DTD1: variants seen among roughly 807,000 people sequenced by gnomAD.
The protein encoded by DTD1 is D-tyrosyl-tRNA deacylase 1 homolog.
DTD1 carries 13 observed loss-of-function variants against 25.6 expected under a neutral mutation model. The ratio of observed to expected loss-of-function variants is 0.51; its 90% CI spans 0.33 to 0.81. The LOEUF is 0.81. Among genes scored for constraint, DTD1 ranks in the 30% least tolerant of loss-of-function variants. DTD1 has a pLI of 0.02. For missense variants in DTD1, 193 were observed against 266.4 expected (o/e 0.72, Z 1.92); for synonymous variants, 110 against 103.6 (o/e 1.06, Z -0.37).
At chr20:18,636,175 C>T (rs1358399556) in intron 4 of DTD1, among the ~76,000 whole-genome samples, 1 of 152,104 alleles carries the variant, frequency 6.6e-6, no homozygotes, top group Admixed American at 6.5e-5. Context: ...AACTCCTTAC[C>T]TTGCTGACTT....
chr20:18,651,474 G>T (rs1284645639), intron 4 of DTD1, among the ~76,000 whole-genome samples: 2 of 152,214 alleles, frequency 1.3e-5, no homozygotes, highest in Non-Finnish European at 2.9e-5. Flanking sequence ...TTTAAAAATT[G>T]TTGGTACATA....
At chr20:18,739,040 C>T (rs549168869) in intron 4 of DTD1, among the ~76,000 whole-genome samples, 1 of 151,802 alleles carries the variant, frequency 6.6e-6, no homozygotes, top group Non-Finnish European at 1.5e-5. Context: ...AGTGTGGCCT[C>T]AGGCCTTAGG....
chr20:18,606,738 T>G (rs1438583455), intron 3 of DTD1, among the ~76,000 whole-genome samples: 2 of 115,116 alleles, frequency 1.7e-5, no homozygotes, highest in Non-Finnish European at 3.5e-5. Flanking sequence ...TGAGATCACA[T>G]GGACACAGGA....
chr20:18,669,328 CCTT>C (rs1432751603), intron 4 of DTD1, among the ~76,000 whole-genome samples: 5 of 152,186 alleles, frequency 3.3e-5, no homozygotes, highest in African/African-American at 1.2e-4. Context: ...GATGCCCTCT[CCTT>C]GAGAGTCCTG....
At chr20:18,642,125 G>C (rs991628738) in intron 4 of DTD1, among the ~76,000 whole-genome samples, 1 of 152,154 alleles carries the variant, frequency 6.6e-6, no homozygotes, top group Non-Finnish European at 1.5e-5. Flanking sequence ...TCACTTGAGA[G>C]TAAGTTGTTG....
chr20:18,593,228 T>C (rs1234276038), intron 1 of DTD1, among the ~76,000 whole-genome samples: 4 of 152,236 alleles, frequency 2.6e-5, no homozygotes. Flanking sequence ...TTTTTATGTA[T>C]TATGTATTTG....
chr20:18,655,776 T>TA (rs2060889422), intron 4 of DTD1, among the ~76,000 whole-genome samples: 1 of 152,208 alleles, frequency 6.6e-6, no homozygotes, highest in African/African-American at 2.4e-5. Flanking sequence ...TTTTTCTTTT[T>TA]ACTTTTTTTT....
At chr20:18,631,613 T>C in intron 4 of DTD1, 1 of 985,458 alleles carries the variant, frequency 1.0e-6, no homozygotes, top group Non-Finnish European at 1.2e-6. Context: ...TCACATTGCT[T>C]TATTTCATGC....
chr20:18,674,457 C>T (rs143581468), intron 4 of DTD1: 1 of 152,300 alleles, frequency 6.6e-6, no homozygotes, highest in Non-Finnish European at 1.5e-5. Flanking sequence ...TCCAAATGAA[C>T]TTAAAGGTAC....
intron 4 of DTD1, among the ~76,000 whole-genome samples, chr20:18,705,190 C>G (rs935589678): frequency 2.6e-5 from 4 of 152,114 alleles, no homozygotes; most frequent in African/African-American, 4.8e-5. Context: ...AACTTGAAGA[C>G]TAGGAGTGCT....
intron 4 of DTD1, among the ~76,000 whole-genome samples, chr20:18,672,113 G>C (rs2060953143): frequency 6.6e-6 from 1 of 151,978 alleles, no homozygotes; most frequent in African/African-American, 2.4e-5. Flanking sequence ...GCATGCCTGT[G>C]GTCTCAGCTA....
chr20:18,661,177 G>C (rs2060908329), intron 4 of DTD1, among the ~76,000 whole-genome samples: 1 of 152,156 alleles, frequency 6.6e-6, no homozygotes, highest in South Asian at 2.1e-4. Context: ...GTTGGGTACA[G>C]TATTTCCTCC....
intron 4 of DTD1, among the ~76,000 whole-genome samples, chr20:18,701,413 A>G (rs2061104055): frequency 6.6e-6 from 1 of 152,240 alleles, no homozygotes; most frequent in South Asian, 2.1e-4. Context: ...CTAATGATTC[A>G]TTACGTCCTT....
Position 18,603,836 on chromosome 20 carries a change from T to C in DTD1, c.370+7595T>C, listed in dbSNP as rs1423154815. On this transcript the variant is annotated intron_variant, in intron 3 of 5. Transcript: ENST00000377452. The stretch of plus-strand genomic sequence containing the variant: ...AAGAGAAAGCAGGAAAGATCCAAAA[T>C]TGACACCCTAACATCACAATTAAAA... Among the ~76,000 whole-genome samples the C allele has an allele frequency of 4.8e-5, 3 of 63,016 alleles. No individual in the cohort carries two copies. In the East Asian group the frequency reaches 1.3e-3, roughly 26 times the overall value. 41.3% of individuals were successfully genotyped at this position (63,016 alleles called of 152,430 possible).
chr20:18,630,891 G>C (rs1192159757), intron 4 of DTD1: 1 of 184,282 alleles, frequency 5.4e-6, no homozygotes, highest in East Asian at 1.9e-4. Flanking sequence ...CATGTTGACA[G>C]GAATAGGAAA....
In DTD1 at chr20:18,652,752, C is replaced by T. The variant is rs529674453; in HGVS notation, c.477+24519C>T. Among the ~76,000 whole-genome samples, 15 of 152,228 alleles carry T rather than the reference C, an allele frequency of 9.9e-5. No homozygotes were observed. In the South Asian group the frequency reaches 2.5e-3, roughly 25 times the overall value. On this transcript the variant is annotated intron_variant, in intron 4 of 5. Coordinates refer to ENST00000377452, the MANE Select transcript of DTD1 (RefSeq NM_080820.6). The stretch of plus-strand genomic sequence containing the variant: ...CTGTTTTGGATATCAGGAGTAGCAT[C>T]CGAATTTCCATCAGTATGAAGCAGT...
At chr20:18,745,586 G>T (rs970519689) in intron 5 of DTD1, among the ~76,000 whole-genome samples, 2 of 152,194 alleles carry the variant, frequency 1.3e-5, no homozygotes, top group African/African-American at 4.8e-5. Context: ...GGCAGATGAG[G>T]GGCAAGGGCA....
intron 4 of DTD1, among the ~76,000 whole-genome samples, chr20:18,710,469 A>G (rs2061154223): frequency 6.6e-6 from 1 of 152,126 alleles, no homozygotes; most frequent in East Asian, 1.9e-4. Context: ...GTTTAAAATT[A>G]TCTCAGAGAT....
intron 5 of DTD1, among the ~76,000 whole-genome samples, chr20:18,751,728 A>C (rs1242069314): frequency 6.6e-6 from 1 of 152,010 alleles, no homozygotes; most frequent in Non-Finnish European, 1.5e-5. Context: ...TGCTGGCCGC[A>C]AGTGATCCAC....
Sources: allele counts gnomAD v4.1 joint callset (sites outside exome capture counted in the v4.1 genomes callset), GRCh38; gene constraint gnomAD v4.1.1; transcripts MANE v1.5; gene names NCBI Gene and HGNC (gene_info 2026-07-23, HGNC 2026-07-21).